SDSL: variants seen among roughly 807,000 people sequenced by gnomAD.
SDSL encodes the protein serine dehydratase like.
A neutral mutation model predicts 27.6 loss-of-function variants in SDSL; 26 were observed. The ratio of observed to expected loss-of-function variants is 0.94; its 90% confidence interval spans 0.69 to 1.31. The LOEUF (loss-of-function observed/expected upper bound fraction) is 1.31, where lower values mean the gene tolerates loss of function less well. SDSL is among the 50% of genes most tolerant of loss of function. The pLI, the probability that SDSL is intolerant of heterozygous loss-of-function variation, is 0.00. For synonymous variants in SDSL, 196 were observed against 180.6 expected, an observed-to-expected ratio of 1.09 and a Z score of -0.69; for missense variants, 431 against 423.5, an observed-to-expected ratio of 1.02 and a Z score of -0.16.
chr12:113,434,661 G>A (rs930204046), intron 5 of SDSL, among the ~76,000 whole-genome samples: 1 of 152,216 alleles, frequency 6.6e-6, no homozygotes, highest in African/African-American at 2.4e-5. Flanking sequence ...AAGGGCTGCA[G>A]TCAGGCTGGT....
chr12:113,436,351 C>T (rs567879523), intron 6 of SDSL, among the ~76,000 whole-genome samples: 5 of 151,572 alleles, frequency 3.3e-5, no homozygotes, highest in African/African-American at 7.3e-5. Flanking sequence ...TGCAATGGCG[C>T]GATCTCAGCT....
At chr12:113,434,052 C>A (rs1957962093) in intron 4 of SDSL, 82 bp from the exon 5 acceptor site, 11 of 1,177,772 alleles carry the variant, frequency 9.3e-6, no homozygotes, top group Non-Finnish European at 1.4e-5. Flanking sequence ...CCTGGGGCCA[C>A]CAAGGAGATC....
At chr12:113,431,040 A>G (rs1331069334) in intron 4 of SDSL, among the ~76,000 whole-genome samples, 1 of 152,244 alleles carries the variant, frequency 6.6e-6, no homozygotes, top group African/African-American at 2.4e-5. Flanking sequence ...CAGGCTCCCA[A>G]CAAGGGTCCC....
In SDSL at chr12:113,436,848, G is replaced by C. The variant is rs1282100209; in HGVS notation, c.769G>C (p.Ala257Pro). The C allele has an allele frequency of 6.2e-7, 1 of 1,609,782 alleles. No individual in the cohort carries two copies. Among genetic ancestry groups the C allele is most frequent in the East Asian group, 2.2e-5 (1 of 44,788 alleles). The change falls in exon 7 of 8, where the codon GCT (alanine) becomes CCT (proline). Residue 257 changes from alanine (A) to proline (P), a missense_variant. By Grantham distance (27) the Ala-to-Pro change is conservative. Transcript: ENST00000403593. ...CTCTGAAGTGGTGGAGGACACCGAG[G>C]CTGTGAGCGCTGTGCAGCAGCTCCT... ...IHSEVVEDTE[A>P]VSAVQQLLDD...
At chr12:113,426,268 T>C in intron 1 of SDSL, 1 of 455,874 alleles carries the variant, frequency 2.2e-6, no homozygotes, top group Non-Finnish European at 4.4e-6. Context: ...CTTCCTGTCA[T>C]CCATTTCAAA....
Position 113,429,307 on chromosome 12 carries a change from C to G in SDSL, c.354+8C>G. 6.2e-7 allele frequency: 1 copy of G among 1,604,304 alleles called. No homozygotes were observed. The highest frequency in any genetic ancestry group is 8.5e-7 in the Non-Finnish European group (1 of 1,172,218). ...GTTCAGCTGACTGGAAAGGTAAGGG[C>G]TCTGGGAAGGGGAGAACCATCTGGG... On this transcript the variant is annotated splice_region_variant and intron_variant, in intron 4 of 7. Coordinates refer to ENST00000403593, the MANE Select transcript of SDSL (RefSeq NM_001304993.2).
At chr12:113,431,862 C>G (rs1000071921) in intron 4 of SDSL, among the ~76,000 whole-genome samples, 1 of 151,910 alleles carries the variant, frequency 6.6e-6, no homozygotes, top group African/African-American at 2.4e-5. Flanking sequence ...CCTCAGCCTC[C>G]CGAGTAGCTG....
intron 4 of SDSL, among the ~76,000 whole-genome samples, chr12:113,433,101 T>C (rs943025573): frequency 3.3e-5 from 5 of 152,258 alleles, no homozygotes; most frequent in African/African-American, 1.2e-4. Context: ...AACTGCTTCC[T>C]ATTGGAGCTG....
Position 113,434,155 on chromosome 12 carries a change from A to C in SDSL, c.376A>C (p.Arg126=). 6.2e-7 allele frequency: 1 copy of C among 1,613,622 alleles called. No homozygotes were observed. Among genetic ancestry groups the C allele is most frequent in the Non-Finnish European group, 8.5e-7 (1 of 1,179,736 alleles). The change falls in exon 5 of 8, where the codon AGG becomes CGG. Residue 126 remains arginine (R), a synonymous_variant. Coordinates refer to ENST00000403593, the MANE Select transcript of SDSL (RefSeq NM_001304993.2). ...GTAGGTCTGGGACGAGGCCAATCTGAGGGCGCAAGAGTTGGCCAAGAGGGA... is the reference window on the plus strand; with the variant it reads ...GTAGGTCTGGGACGAGGCCAATCTGCGGGCGCAAGAGTTGGCCAAGAGGGA... ...TGKVWDEANL[R]AQELAKRDGW... is the part of the protein sequence containing the mutation.
chr12:113,428,225 G>A (rs1957875055), intron 2 of SDSL, 69 bp downstream of exon 2: 2 of 1,479,750 alleles, frequency 1.4e-6, no homozygotes, highest in Non-Finnish European at 1.8e-6. Context: ...AGGGGTGTGG[G>A]CTGGGGACGG....
chr12:113,425,849 C>T (rs150271999), intron 1 of SDSL: 212 of 396,450 alleles, frequency 5.3e-4, no homozygotes, highest in African/African-American at 3.9e-3. Context: ...ATTAATCAGG[C>T]GTGGTGACGT....
chr12:113,428,277 G>T, intron 2 of SDSL, 121 bp downstream of exon 2: 1 of 1,317,954 alleles, frequency 7.6e-7, no homozygotes, highest in Non-Finnish European at 1.1e-6. Context: ...CAGATGGGAG[G>T]GGAAAGGTAA....
chr12:113,427,681 C>A (rs146439128), intron 1 of SDSL, among the ~76,000 whole-genome samples: 3 of 152,154 alleles, frequency 2.0e-5, no homozygotes, highest in African/African-American at 7.2e-5. Context: ...AATGAATTCT[C>A]CCACTCTCTC....
At chr12:113,426,468 A>G (rs1443095009) in intron 1 of SDSL, among the ~76,000 whole-genome samples, 3 of 152,206 alleles carry the variant, frequency 2.0e-5, no homozygotes, top group African/African-American at 7.2e-5. Flanking sequence ...ATATTTGATG[A>G]TATGAAAAAA....
At chr12:113,431,318 G>C (rs969727990) in intron 4 of SDSL, among the ~76,000 whole-genome samples, 4 of 152,170 alleles carry the variant, frequency 2.6e-5, no homozygotes, top group Non-Finnish European at 5.9e-5. Flanking sequence ...GTTTGAGCAG[G>C]GGAGGGACCT....
At chr12:113,432,593 G>A (rs1340881753) in intron 4 of SDSL, among the ~76,000 whole-genome samples, 2 of 152,058 alleles carry the variant, frequency 1.3e-5, no homozygotes, top group East Asian at 3.9e-4. Flanking sequence ...GCCTGCCTCG[G>A]CCTCTCAAAG....
chr12:113,434,116 C>G lies in SDSL; in HGVS notation c.355-18C>G, dbSNP rs1029537225. 1 of 1,608,154 alleles carries G rather than the reference C, an allele frequency of 6.2e-7. No homozygotes were observed. Among genetic ancestry groups the G allele is most frequent in the Non-Finnish European group, 8.5e-7 (1 of 1,175,918 alleles). On this transcript the variant is annotated intron_variant, in intron 4 of 7. Transcript: ENST00000403593. ...GTCCCACTCCCGGCTGTTCTGAGGG[C>G]CCTTGGTTTCTCTGTAGGTCTGGGA...
At chr12:113,425,591 G>C (rs1375943537) in intron 1 of SDSL, 1 of 451,740 alleles carries the variant, frequency 2.2e-6, no homozygotes, top group Non-Finnish European at 4.4e-6. Flanking sequence ...GGAGCTGGCT[G>C]TATTTTTTCC....
At chr12:113,429,034 G>A in intron 3 of SDSL, 126 bp from the exon 4 acceptor site, 1 of 1,121,630 alleles carries the variant, frequency 8.9e-7, no homozygotes, top group Non-Finnish European at 1.3e-6. Flanking sequence ...CTTGAGTGGA[G>A]GAAGGAGTCA....
Sources: allele counts gnomAD v4.1 joint callset (sites outside exome capture counted in the v4.1 genomes callset), GRCh38; gene constraint gnomAD v4.1.1; transcripts MANE v1.5; gene names NCBI Gene and HGNC (gene_info 2026-07-23, HGNC 2026-07-21).